The following ADCK1 variants were observed in gnomAD, a reference collection of about 807,000 sequenced individuals.
ADCK1 encodes aarF domain containing kinase 1.
ADCK1 carries 41 observed loss-of-function variants against 52.3 expected under a neutral mutation model. That is an observed-to-expected ratio of 0.78 (90% CI 0.61 to 1.02). The LOEUF (loss-of-function observed/expected upper bound fraction) is 1.02, where lower values mean the gene tolerates loss of function less well. ADCK1 is among the 50% of genes least tolerant of loss of function. The pLI is 0.00. For synonymous variants in ADCK1, 250 were observed against 274.6 expected (o/e 0.91, Z 0.89); for missense variants, 658 against 679.5 (o/e 0.97, Z 0.35).
At chr14:77,856,616 C>A (rs759016203) in intron 3 of ADCK1, among the ~76,000 whole-genome samples, 1 of 152,192 alleles carries the variant, frequency 6.6e-6, no homozygotes, top group Non-Finnish European at 1.5e-5. Flanking sequence ...TTGACTCCAT[C>A]TGACCTAATC....
Position 77,864,941 on chromosome 14 carries a change from C to T in ADCK1, c.423+5662C>T, listed in dbSNP as rs2082631928. Among the ~76,000 whole-genome samples, 3 of 152,144 alleles carry T rather than the reference C, an allele frequency of 2.0e-5. No homozygotes were observed. In the South Asian group the frequency reaches 6.2e-4, roughly 31 times the overall value. Reference sequence around the variant, plus strand: ...CCCTTATCTGATTGCATGAGGCCCACTCATGCTATGGAGAGTAATCTGTTT... The same window carrying T: ...CCCTTATCTGATTGCATGAGGCCCATTCATGCTATGGAGAGTAATCTGTTT... On this transcript the variant is annotated intron_variant, in intron 4 of 10. Coordinates refer to ENST00000238561, the MANE Select transcript of ADCK1 (RefSeq NM_020421.4).
chr14:77,842,453 TTCCTTCC>T (rs1566657349), intron 3 of ADCK1, among the ~76,000 whole-genome samples: 2,281 of 52,156 alleles, frequency 0.044, 126 homozygotes, highest in Middle Eastern at 0.059. Flanking sequence ...TTTTTTTTCC[TTCCTTCC>T]TTCCTTCCTT....
At chr14:77,828,514 C>T (rs771798159) in intron 3 of ADCK1, among the ~76,000 whole-genome samples, 15 of 152,014 alleles carry the variant, frequency 9.9e-5, no homozygotes, top group African/African-American at 2.2e-4. Context: ...AAGACCTTTC[C>T]GTTCTCCCCT....
chr14:77,816,904 T>TATATATATATATATATATATATATA (rs1555346949), intron 1 of ADCK1, among the ~76,000 whole-genome samples: 11 of 64,164 alleles, frequency 1.7e-4, no homozygotes, highest in South Asian at 5.6e-4. Flanking sequence ...ATATATATAT[T>TATATATATATATATATATATATATA]TAAAAAATGT....
chr14:77,899,718 C>T (rs1375527712), intron 6 of ADCK1, among the ~76,000 whole-genome samples: 1 of 152,118 alleles, frequency 6.6e-6, no homozygotes, highest in African/African-American at 2.4e-5. Context: ...TGGAAAATCA[C>T]ATAAGAGAAA....
rs1415913714 is a variant in ADCK1, at chr14:77,825,325, G to A, written c.219+2807G>A. 2.6e-5 allele frequency among the ~76,000 whole-genome samples: 4 copies of A among 152,202 alleles called. No individual in the cohort carries two copies. The South Asian group carries it at 6.2e-4, about 24-fold the overall frequency. ...TTTGGGGAGGTCCCAGACAGAGCACGAGGTTAATAGTTAGAAGACCCGAGT... is the reference window on the plus strand; with the variant it reads ...TTTGGGGAGGTCCCAGACAGAGCACAAGGTTAATAGTTAGAAGACCCGAGT... On this transcript the variant is annotated intron_variant, in intron 3 of 10. Transcript: ENST00000238561.
intron 1 of ADCK1, among the ~76,000 whole-genome samples, chr14:77,814,296 C>G (rs557946797): frequency 4.0e-5 from 6 of 151,780 alleles, no homozygotes; most frequent in African/African-American, 1.4e-4. Flanking sequence ...CTAGGCTGGT[C>G]TTGAACTTCT....
intron 4 of ADCK1, among the ~76,000 whole-genome samples, chr14:77,862,293 G>A (rs532429043): frequency 6.6e-4 from 100 of 152,270 alleles, no homozygotes; most frequent in Admixed American, 1.3e-3. Flanking sequence ...AAGTGACCTC[G>A]TTCTGGACTG....
chr14:77,902,060 C>G (rs1219844976), intron 6 of ADCK1, among the ~76,000 whole-genome samples: 1 of 152,194 alleles, frequency 6.6e-6, no homozygotes. Flanking sequence ...GGGACTCTCT[C>G]ATTCTTCCCT....
At chr14:77,924,728 C>A in intron 8 of ADCK1, 122 bp downstream of exon 8, 1 of 1,320,396 alleles carries the variant, frequency 7.6e-7, no homozygotes. Flanking sequence ...CCTTCCCTCT[C>A]CCTTGGAGCT....
chr14:77,933,231 A>G lies in ADCK1; in HGVS notation c.1412A>G (p.Lys471Arg). Residue 471 changes from lysine to arginine, a missense_variant, in exon 11 of 11, where the codon AAG becomes AGG. Transcript: ENST00000238561. ...TTCCCTTTTTCCAGGCACAAGAAGA[A>G]GAATACCTGTTCATTCTTCAGAAGG... ...CIRALAEHKKKNTCSFFRRTQ... is the reference protein window; with the variant it reads ...CIRALAEHKKRNTCSFFRRTQ... 1 of 1,613,760 alleles carries G rather than the reference A, an allele frequency of 6.2e-7. No individual in the cohort carries two copies. The highest frequency in any genetic ancestry group is 2.2e-5 in the East Asian group (1 of 44,852).
intron 4 of ADCK1, among the ~76,000 whole-genome samples, 199 bp from the exon 5 acceptor site, chr14:77,886,892 G>A (rs1055865527): frequency 4.7e-5 from 7 of 148,522 alleles, no homozygotes; most frequent in African/African-American, 7.6e-5. Flanking sequence ...GGTCGACAGC[G>A]CGGGACTCTG....
chr14:77,924,391 C>T, intron 7 of ADCK1, 66 bp from the exon 8 acceptor site: 1 of 1,583,546 alleles, frequency 6.3e-7, no homozygotes, highest in Non-Finnish European at 8.6e-7. Flanking sequence ...ATTGAGAGAC[C>T]AGACAGAGGT....
At chr14:77,876,696 C>T (rs754097775) in intron 4 of ADCK1, among the ~76,000 whole-genome samples, 13 of 152,182 alleles carry the variant, frequency 8.5e-5, no homozygotes, top group South Asian at 2.1e-4. Context: ...AGAGATGGGT[C>T]GCTGATCCCT....
At chr14:77,822,049 G>T (rs752558808) in intron 2 of ADCK1, among the ~76,000 whole-genome samples, 3 of 152,130 alleles carry the variant, frequency 2.0e-5, no homozygotes, top group Admixed American at 2.0e-4. Context: ...TGTAAAAGGT[G>T]CTGTGGTAAG....
chr14:77,803,025 G>C (rs2081144905), intron 1 of ADCK1, among the ~76,000 whole-genome samples: 1 of 152,160 alleles, frequency 6.6e-6, no homozygotes, highest in Admixed American at 6.6e-5. Flanking sequence ...CTGTAAACCT[G>C]CTCAGGCCAA....
At chr14:77,814,430 A>AAAAC (rs2081398925) in intron 1 of ADCK1, among the ~76,000 whole-genome samples, 1 of 150,408 alleles carries the variant, frequency 6.6e-6, no homozygotes, top group Non-Finnish European at 1.5e-5. Flanking sequence ...TTTACTGAAA[A>AAAAC]AAAAAACAAA....
rs142963300 is a variant in ADCK1 at position 77,808,822 on chromosome 14, C to T, written c.-12+8652C>T. 6.1e-3 allele frequency among the ~76,000 whole-genome samples: 931 copies of T among 152,310 alleles called. 11 individuals are homozygous for T. Among genetic ancestry groups the T allele is most frequent in the African/African-American group, 0.021 (873 of 41,566 alleles). On this transcript the variant is annotated intron_variant, in intron 1 of 10. Transcript: ENST00000238561. The stretch of plus-strand genomic sequence containing the variant: ...AACTCCTGACCTCAGGTGATCCACC[C>T]GCCTTGGCCTCCCAAAGTGTTGGGA...
intron 1 of ADCK1, among the ~76,000 whole-genome samples, chr14:77,801,464 T>A (rs1390869825): frequency 3.3e-5 from 5 of 152,256 alleles, no homozygotes; most frequent in Non-Finnish European, 1.5e-5. Context: ...ATACAGATTT[T>A]AATGTAGTCT....
Sources: gnomAD v4.1 joint callset for allele counts (sites outside exome capture counted in the v4.1 genomes callset) on GRCh38, gnomAD v4.1.1 for gene constraint, MANE v1.5 for transcripts, NCBI Gene and HGNC (gene_info 2026-07-23, HGNC 2026-07-21) for gene names.